BRCA2: variants seen among roughly 807,000 people sequenced by gnomAD.
BRCA2 encodes BRCA2 DNA repair associated, also known as breast cancer type 2 susceptibility protein.
In BRCA2, 203 loss-of-function variants were observed where a neutral mutation model predicts 276.7. The ratio of observed to expected loss-of-function variants is 0.73; its 90% CI spans 0.65 to 0.82. The LOEUF (loss-of-function observed/expected upper bound fraction) is 0.82. BRCA2 is among the 40% of genes least tolerant of loss of function. BRCA2 has a pLI of 0.00. For synonymous variants in BRCA2, 1,289 were observed against 1,338.4 expected (o/e 0.96, Z 0.81); for missense variants, 3,920 against 3,915.0 (o/e 1.00, Z -0.03).
chr13:32,351,279 G>A (rs1024145433), intron 13 of BRCA2, among the ~76,000 whole-genome samples: 3 of 152,166 alleles, frequency 2.0e-5, no homozygotes, highest in Non-Finnish European at 4.4e-5. Flanking sequence ...GAACCCACCA[G>A]GAAGAAGAAA....
rs2137473119 is a variant in BRCA2, at chr13:32,333,080, A to G, written c.1602A>G (p.Glu534=). The change falls in exon 10 of 27, where the codon GAA becomes GAG. Residue 534 remains glutamate, a synonymous_variant. Transcript: ENST00000380152. ...ATCCAAACTTTAAAAAAGAAACTGAAGCCTCTGAAAGTGGACTGGAAATAC... is the reference window on the plus strand; with the variant it reads ...ATCCAAACTTTAAAAAAGAAACTGAGGCCTCTGAAAGTGGACTGGAAATAC... ...MTDPNFKKET[E]ASESGLEIHT... The G allele has an allele frequency of 6.2e-7, 1 of 1,611,696 alleles. No individual in the cohort carries two copies. The highest frequency in any genetic ancestry group is 1.1e-5 in the South Asian group (1 of 90,176).
In BRCA2 at chr13:32,316,612, A is replaced by G. The variant is rs551309156; in HGVS notation, c.67+85A>G. The G allele has an allele frequency of 6.9e-6, 8 of 1,155,972 alleles. No homozygotes were observed. The African/African-American group carries it at 9.3e-5, about 13-fold the overall frequency. 71.6% of individuals were successfully genotyped at this position (1,155,972 alleles called of 1,614,324 possible). ...GCTTGCTAAAAACCCAGTACGTCAC[A>G]GTGTTGCTTAGAACCATAAACTGTT... On this transcript the variant is annotated intron_variant, in intron 2 of 26. Coordinates refer to ENST00000380152, the MANE Select transcript of BRCA2 (RefSeq NM_000059.4).
intron 10 of BRCA2, among the ~76,000 whole-genome samples, chr13:32,335,135 A>G (rs1420457225): frequency 6.6e-6 from 1 of 152,058 alleles, no homozygotes; most frequent in Non-Finnish European, 1.5e-5. Flanking sequence ...CTTAAGGTCA[A>G]GAGTTCAAGA....
chr13:32,350,002 A>G (rs934650131), intron 13 of BRCA2, among the ~76,000 whole-genome samples: 1 of 152,134 alleles, frequency 6.6e-6, no homozygotes, highest in Non-Finnish European at 1.5e-5. Context: ...ATGCATATTG[A>G]ATGTTGGGAT....
Position 32,338,549 on chromosome 13 carries a change from A to G in BRCA2, c.4194A>G (p.Ala1398=), listed in dbSNP as rs1355279584. The G allele has an allele frequency of 1.9e-6, 3 of 1,601,198 alleles. No individual in the cohort carries two copies. The highest frequency in any genetic ancestry group is 2.6e-6 in the Non-Finnish European group (3 of 1,174,946). Residue 1398 remains alanine (A), a synonymous_variant, in exon 11 of 27, where the codon GCA becomes GCG. Transcript: ENST00000380152. Reference sequence around the variant, plus strand: ...TGGAAGTTGCGAAAGCTCAAGAAGCATGTCATGGTAATACTTCAAATAAAG... The same window carrying G: ...TGGAAGTTGCGAAAGCTCAAGAAGCGTGTCATGGTAATACTTCAAATAAAG... The part of the protein sequence containing the change: ...TFLEVAKAQE[A]CHGNTSNKEQ...
chr13:32,392,754 A>G (rs1172377895), intron 24 of BRCA2, among the ~76,000 whole-genome samples: 1 of 152,172 alleles, frequency 6.6e-6, no homozygotes, highest in Non-Finnish European at 1.5e-5. Context: ...TAATAGTGGT[A>G]TAATTATTAC....
rs1555282603 is a variant in BRCA2, at chr13:32,336,661, T to C, written c.2306T>C (p.Leu769Pro). ...LLYDHENAST[L>P]ILTPTSKDVL... Reference sequence around the variant, plus strand: ...TATGATCATGAAAATGCCAGCACTCTTATTTTAACTCCTACTTCCAAGGAT... The same window carrying C: ...TATGATCATGAAAATGCCAGCACTCCTATTTTAACTCCTACTTCCAAGGAT... The change falls in exon 11 of 27, where the codon CTT becomes CCT. Residue 769 changes from leucine to proline, a missense_variant. Transcript: ENST00000380152. 1 of 1,614,002 alleles carries C rather than the reference T, an allele frequency of 6.2e-7. No homozygotes were observed. Among genetic ancestry groups the C allele is most frequent in the Non-Finnish European group, 8.5e-7 (1 of 1,179,884 alleles).
intron 2 of BRCA2, among the ~76,000 whole-genome samples, chr13:32,318,528 G>A (rs941568045): frequency 6.6e-6 from 1 of 151,448 alleles, no homozygotes; most frequent in Non-Finnish European, 1.5e-5. Context: ...TGCAACCACC[G>A]CCTCCTGGGT....
intron 11 of BRCA2, among the ~76,000 whole-genome samples, chr13:32,344,033 T>C (rs1454256845): frequency 6.6e-6 from 1 of 152,096 alleles, no homozygotes; most frequent in African/African-American, 2.4e-5. Context: ...TTAGCCTCTG[T>C]AGAATTTTTA....
intron 13 of BRCA2, among the ~76,000 whole-genome samples, chr13:32,348,885 C>T (rs1314034503): frequency 6.6e-6 from 1 of 152,150 alleles, no homozygotes; most frequent in Admixed American, 6.5e-5. Flanking sequence ...AAAAATAAAG[C>T]AGTACCTGCA....
intron 15 of BRCA2, 123 bp downstream of exon 15, chr13:32,356,732 AATC>A (rs1371311299): frequency 9.4e-5 from 114 of 1,215,444 alleles, no homozygotes; most frequent in Non-Finnish European, 1.2e-4. Context: ...GGATGAATGA[AATC>A]ATCATATTTT....
intron 24 of BRCA2, among the ~76,000 whole-genome samples, chr13:32,392,185 T>G (rs753962637): frequency 2.0e-5 from 3 of 152,176 alleles, no homozygotes; most frequent in Non-Finnish European, 4.4e-5. Context: ...TGCAATAGAA[T>G]AAACAAATCC....
intron 24 of BRCA2, among the ~76,000 whole-genome samples, chr13:32,391,568 G>A (rs1479338594): frequency 2.6e-5 from 4 of 152,212 alleles, no homozygotes; most frequent in East Asian, 1.9e-4. Context: ...ATCTGCACCC[G>A]CACCATGGCA....
At chr13:32,363,647 G>A in intron 18 of BRCA2, 114 bp downstream of exon 18, 1 of 979,522 alleles carries the variant, frequency 1.0e-6, no homozygotes, top group Admixed American at 2.4e-5. Flanking sequence ...TAGATGTACT[G>A]ATAATTTTAG....
At chr13:32,388,068 A>G (rs1297198296) in intron 24 of BRCA2, among the ~76,000 whole-genome samples, 1 of 151,284 alleles carries the variant, frequency 6.6e-6, no homozygotes, top group African/African-American at 2.4e-5. Context: ...GTCTCCGCAC[A>G]CGAGAACACC....
Position 32,339,021 on chromosome 13 carries a change from A to G in BRCA2, c.4666A>G (p.Ile1556Val), listed in dbSNP as rs2137508843. The change falls in exon 11 of 27, where the codon ATC (isoleucine) becomes GTC (valine). Residue 1556 changes from isoleucine (I) to valine (V), a missense_variant. Transcript: ENST00000380152. ...TGAAAAAGAGCAAGGTACTAGTGAA[A>G]TCACCAGTTTTAGCCATCAATGGGC... The part of the protein sequence containing the change: ...FDEKEQGTSE[I>V]TSFSHQWAKT... 1 of 1,613,998 alleles carries G rather than the reference A, an allele frequency of 6.2e-7. No homozygotes were observed. Among genetic ancestry groups the G allele is most frequent in the Non-Finnish European group, 8.5e-7 (1 of 1,179,936 alleles).
At chr13:32,395,521 T>C (rs2073029942) in intron 25 of BRCA2, among the ~76,000 whole-genome samples, 1 of 152,190 alleles carries the variant, frequency 6.6e-6, no homozygotes, top group South Asian at 2.1e-4. Context: ...GGGAACTGTT[T>C]TTCTATTTTA....
chr13:32,368,323 G>T (rs2072800769), intron 18 of BRCA2, among the ~76,000 whole-genome samples: 1 of 151,776 alleles, frequency 6.6e-6, no homozygotes, highest in Non-Finnish European at 1.5e-5. Context: ...TCCAGAAAAG[G>T]ATTACAGCCC....
intron 13 of BRCA2, among the ~76,000 whole-genome samples, chr13:32,349,831 A>C (rs1014625830): frequency 1.3e-5 from 2 of 150,566 alleles, no homozygotes; most frequent in African/African-American, 4.9e-5. Context: ...AAAAAAAAAA[A>C]AGCAGCAGCA....
Sources: gnomAD v4.1 joint callset for allele counts (sites outside exome capture counted in the v4.1 genomes callset) on GRCh38, gnomAD v4.1.1 for gene constraint, MANE v1.5 for transcripts, NCBI Gene and HGNC (gene_info 2026-07-23, HGNC 2026-07-21) for gene names.